PIP4K2B: variants seen among roughly 807,000 people sequenced by gnomAD.
PIP4K2B encodes the protein phosphatidylinositol 5-phosphate 4-kinase type-2 beta.
Under a neutral mutation model 42.0 loss-of-function variants are expected in PIP4K2B, and 3 were observed. That is an observed-to-expected ratio of 0.07 (90% CI 0.03 to 0.18). PIP4K2B has a LOEUF of 0.18. Among genes scored for constraint, PIP4K2B ranks in the 10% least tolerant of loss-of-function variants. The pLI is 1.00. For synonymous variants in PIP4K2B, 204 were observed against 210.1 expected (o/e 0.97, Z 0.25); for missense variants, 332 against 562.3 (o/e 0.59, Z 4.14).
In PIP4K2B at chr17:38,768,988, T is replaced by C. The variant is rs1250399400; in HGVS notation, c.*703A>G. 1 of 152,690 alleles carries C rather than the reference T, an allele frequency of 6.5e-6. No homozygotes were observed. Among genetic ancestry groups the C allele is most frequent in the African/African-American group, 2.4e-5 (1 of 41,454 alleles). 9.5% of individuals were successfully genotyped at this position (152,690 alleles called of 1,614,324 possible). On this transcript the variant is annotated 3_prime_UTR_variant, in exon 10 of 10. Coordinates refer to ENST00000619039, the MANE Select transcript of PIP4K2B (RefSeq NM_003559.5). ...CCATGAGGATGAACTTATTCCCCTCTGAGATCTCTGATTCTGATCTGAGAT... is the reference window on the plus strand; with the variant it reads ...CCATGAGGATGAACTTATTCCCCTCCGAGATCTCTGATTCTGATCTGAGAT...
rs776497304 is a variant in PIP4K2B at position 38,799,233 on chromosome 17, CCGCGCTCAGAGGGG to C, written c.159+19_159+32del. On this transcript the variant is annotated intron_variant, in intron 1 of 9. Transcript: ENST00000619039. This position sits in a 1 kb window ranked among gnomAD's most constrained non-coding sequence, Gnocchi z 4.4. ...GCAGGGGGCGTGGGAGCGCGCGGGG[CCGCGCTCAGAGGGG>C]CGCGCAGGAGCTGGTTACCGTGTGG... 3 of 1,554,482 alleles carry C rather than the reference CCGCGCTCAGAGGGG, an allele frequency of 1.9e-6. No homozygotes were observed. Among genetic ancestry groups the C allele is most frequent in the Non-Finnish European group, 2.6e-6 (3 of 1,154,880 alleles).
rs1908961517 is a variant in PIP4K2B at position 38,770,555 on chromosome 17, G to A, written c.1067-16C>T. ...TTGGGGGAACCTGGAGGGACAAGGA[G>A]AGCAGGGAAGAAGGAAGAGGGGGCA... is the stretch of plus-strand genomic sequence containing the variant. On this transcript the variant is annotated splice_polypyrimidine_tract_variant and intron_variant, in intron 8 of 9. Coordinates refer to ENST00000619039, the MANE Select transcript of PIP4K2B (RefSeq NM_003559.5). The A allele has an allele frequency of 3.5e-6, 5 of 1,436,302 alleles. No homozygotes were observed. Among genetic ancestry groups the A allele is most frequent in the Non-Finnish European group, 4.9e-6 (5 of 1,020,640 alleles). The allele number at this position is 1,436,302 out of a possible 1,614,324, so 89.0% of individuals were successfully genotyped here.
chr17:38,793,090 G>A (rs900978523), intron 1 of PIP4K2B, among the ~76,000 whole-genome samples: 4 of 151,930 alleles, frequency 2.6e-5, no homozygotes, highest in South Asian at 2.1e-4. Context: ...CACCACACCC[G>A]GCAAATTTTT....
chr17:38,780,641 G>C, intron 3 of PIP4K2B, 37 bp from the exon 4 acceptor site: 1 of 1,594,990 alleles, frequency 6.3e-7, no homozygotes, highest in South Asian at 1.1e-5. Context: ...GGCTTGGCAG[G>C]GGAACAGAAT....
At chr17:38,791,286 C>G (rs1016250424) in intron 1 of PIP4K2B, among the ~76,000 whole-genome samples, 2 of 152,056 alleles carry the variant, frequency 1.3e-5, no homozygotes, top group African/African-American at 4.8e-5. Flanking sequence ...GGAGAATCTA[C>G]AAGATCATGC....
At chr17:38,790,305 C>T (rs1003218450) in intron 1 of PIP4K2B, among the ~76,000 whole-genome samples, 9 of 152,146 alleles carry the variant, frequency 5.9e-5, no homozygotes, top group African/African-American at 2.2e-4. Context: ...TTTCTGCCAA[C>T]AGAAACAATT....
intron 1 of PIP4K2B, among the ~76,000 whole-genome samples, chr17:38,793,987 C>G (rs1910483615): frequency 6.6e-6 from 1 of 151,864 alleles, no homozygotes; most frequent in Non-Finnish European, 1.5e-5. Context: ...GTCCCTCACA[C>G]CATACCCAAA....
intron 1 of PIP4K2B, among the ~76,000 whole-genome samples, chr17:38,797,145 C>G (rs964892462): frequency 7.9e-5 from 12 of 152,182 alleles, no homozygotes; most frequent in African/African-American, 2.9e-4. Flanking sequence ...AAGTCAATGC[C>G]TTTCCAACTA....
At chr17:38,777,892 G>A in intron 6 of PIP4K2B, 92 bp from the exon 7 acceptor site, 1 of 887,030 alleles carries the variant, frequency 1.1e-6, no homozygotes. Flanking sequence ...ATACAGAAAG[G>A]GGAAGGAGGG....
chr17:38,782,937 C>T (rs1448635271), intron 3 of PIP4K2B, among the ~76,000 whole-genome samples: 1 of 152,028 alleles, frequency 6.6e-6, no homozygotes, highest in African/African-American at 2.4e-5. Context: ...CCTGTAATCC[C>T]AGCACTTTGG....
In PIP4K2B at chr17:38,798,923, AG is replaced by A. The variant is rs773101962; in HGVS notation, c.159+342del. On this transcript the variant is annotated intron_variant, in intron 1 of 9. Transcript: ENST00000619039. Reference sequence around the variant, plus strand: ...AATATACACCCTCACAAACAGGATGAGGGGGGAGGAGGAGAAGCAGGGATGA... The same window carrying A: ...AATATACACCCTCACAAACAGGATGAGGGGGAGGAGGAGAAGCAGGGATGA... Among the ~76,000 whole-genome samples, 9 of 147,634 alleles carry A rather than the reference AG, an allele frequency of 6.1e-5. No individual in the cohort carries two copies. The South Asian group carries it at 1.2e-3, about 20-fold the overall frequency.
intron 7 of PIP4K2B, chr17:38,776,575 G>A (rs745603065): frequency 4.6e-5 from 19 of 412,894 alleles, no homozygotes; most frequent in Middle Eastern, 8.0e-4. Flanking sequence ...GCAGTGAGCC[G>A]AGATCGTGCC....
chr17:38,792,038 G>A (rs1910370840), intron 1 of PIP4K2B, among the ~76,000 whole-genome samples: 3 of 151,892 alleles, frequency 2.0e-5, no homozygotes, highest in Admixed American at 2.0e-4. Context: ...GGAGCTTGCA[G>A]TGAGCCGAGT....
At position 38,780,436 on chromosome 17, in the gene PIP4K2B, T is replaced by C. The variant is rs371381258; in HGVS notation, c.507+16A>G. On this transcript the variant is annotated intron_variant, in intron 4 of 9. Coordinates refer to ENST00000619039, the MANE Select transcript of PIP4K2B (RefSeq NM_003559.5). ...CCAACCCATCCTCTGCAGCCCAGGC[T>C]TGGGACTCACCATACCTGGTGGTAT... The C allele has an allele frequency of 4.4e-6, 7 of 1,600,024 alleles. No homozygotes were observed. Among genetic ancestry groups the C allele is most frequent in the Middle Eastern group, 1.7e-4 (1 of 6,034 alleles).
At chr17:38,795,471 C>T (rs1910606771) in intron 1 of PIP4K2B, among the ~76,000 whole-genome samples, 1 of 152,074 alleles carries the variant, frequency 6.6e-6, no homozygotes, top group South Asian at 2.1e-4. Flanking sequence ...AATGTACAGG[C>T]CAGGCACAGT....
chr17:38,771,546 C>CAA (rs58817119), intron 7 of PIP4K2B, among the ~76,000 whole-genome samples: 855 of 39,142 alleles, frequency 0.022, 37 homozygotes, highest in Middle Eastern at 0.068. Context: ...GAGATGGTCT[C>CAA]AAAAAAAAAA....
At chr17:38,771,325 T>TC in intron 7 of PIP4K2B, 53 bp from the exon 8 acceptor site, 2 of 1,595,064 alleles carry the variant, frequency 1.3e-6, no homozygotes, top group Non-Finnish European at 1.7e-6. Context: ...ACACAGGACA[T>TC]CCCAGTGACA....
chr17:38,794,469 T>G (rs950293125), intron 1 of PIP4K2B, among the ~76,000 whole-genome samples: 1 of 148,496 alleles, frequency 6.7e-6, no homozygotes, highest in Non-Finnish European at 1.5e-5. Context: ...GTACATCTTA[T>G]GTTAAATGTT....
At chr17:38,788,068 G>A (rs1910132680) in intron 1 of PIP4K2B, among the ~76,000 whole-genome samples, 3 of 152,132 alleles carry the variant, frequency 2.0e-5, no homozygotes, top group Non-Finnish European at 4.4e-5. Context: ...TAAGGCCTTT[G>A]AATATCTTCA....
Sources: allele counts gnomAD v4.1 joint callset (sites outside exome capture counted in the v4.1 genomes callset), GRCh38; gene constraint gnomAD v4.1.1; non-coding constraint Gnocchi (gnomAD v3.1); transcripts MANE v1.5; gene names NCBI Gene and HGNC (gene_info 2026-07-23, HGNC 2026-07-21).